SGK3: variants seen among roughly 807,000 people sequenced by gnomAD.
The protein encoded by SGK3 is serum/glucocorticoid regulated kinase family member 3, also known as serine/threonine-protein kinase Sgk3.
Under a neutral mutation model 68.5 loss-of-function variants are expected in SGK3, and 47 were observed. The ratio of observed to expected loss-of-function variants is 0.69; its 90% CI spans 0.54 to 0.87. The LOEUF is 0.87. SGK3 is among the 40% of genes least tolerant of loss of function. SGK3 has a pLI of 0.00. For synonymous variants in SGK3, 181 were observed against 189.1 expected (o/e 0.96, Z 0.35); for missense variants, 479 against 575.5 (o/e 0.83, Z 1.72).
At position 66,793,744 on chromosome 8, in the gene SGK3, G is replaced by A. The variant is rs765398043; in HGVS notation, c.8G>A (p.Arg3Lys). 3 of 1,613,004 alleles carry A rather than the reference G, an allele frequency of 1.9e-6. No individual in the cohort carries two copies. In the South Asian group the frequency reaches 3.3e-5, roughly 18 times the overall value. MQ[R>K]DHTMDYKESC... ...GTGCTCTTGAGGGATTAAATGCAAA[G>A]AGATCACACCATGGACTACAAGGAA... is the stretch of plus-strand genomic sequence containing the variant. The change falls in exon 2 of 17, where the codon AGA becomes AAA. Residue 3 changes from arginine to lysine, a missense_variant. Arg to Lys is a conservative substitution (Grantham distance 26). Around this residue, in one of 3 missense-constraint regions of SGK3, gnomAD observed 298 missense variants for 329.4 expected, o/e 0.90. Coordinates refer to ENST00000521198, the MANE Select transcript of SGK3 (RefSeq NM_001033578.3).
At chr8:66,781,368 G>C (rs1806969276) in intron 1 of SGK3, among the ~76,000 whole-genome samples, 1 of 152,168 alleles carries the variant, frequency 6.6e-6, no homozygotes, top group South Asian at 2.1e-4. Flanking sequence ...TTTTTAAAGA[G>C]ACGGGGTCTA....
At chr8:66,765,309 ATGT>A (rs57277226) in intron 1 of SGK3, among the ~76,000 whole-genome samples, 3,168 of 152,238 alleles carry the variant, frequency 0.021, 108 homozygotes, top group African/African-American at 0.071. Context: ...CTAATGACTA[ATGT>A]TGTTGAGCAA....
At chr8:66,831,352 G>T in intron 8 of SGK3, 41 bp downstream of exon 8, 1 of 1,607,742 alleles carries the variant, frequency 6.2e-7, no homozygotes, top group South Asian at 1.1e-5. Context: ...TTTTGGTTTT[G>T]GTTTTTTTTT....
chr8:66,727,429 T>C (rs1805017165), intron 1 of SGK3, among the ~76,000 whole-genome samples: 1 of 152,198 alleles, frequency 6.6e-6, no homozygotes, highest in Non-Finnish European at 1.5e-5. Context: ...TATCCTATGA[T>C]TCTCTTATTT....
rs575186485 is a variant in SGK3, at chr8:66,726,319, G to A, written c.-122+13486G>A. On this transcript the variant is annotated intron_variant, in intron 1 of 16. Coordinates refer to ENST00000521198, the MANE Select transcript of SGK3 (RefSeq NM_001033578.3). ...GAGGTTTCCAAGGTTGCTGTTTGTG[G>A]CAACACGAGGCAGAGCTGACCTGAA... is the stretch of plus-strand genomic sequence containing the variant. Among the ~76,000 whole-genome samples the A allele has an allele frequency of 6.6e-5, 10 of 152,226 alleles. No individual in the cohort carries two copies. In the East Asian group the frequency reaches 1.9e-3, roughly 29 times the overall value.
chr8:66,807,697 T>TA (rs1248834480), intron 4 of SGK3, among the ~76,000 whole-genome samples: 1 of 152,200 alleles, frequency 6.6e-6, no homozygotes, highest in Non-Finnish European at 1.5e-5. Flanking sequence ...TAAAAAGTGT[T>TA]ACAATCCATG....
chr8:66,726,610 A>G (rs1439172616), intron 1 of SGK3, among the ~76,000 whole-genome samples: 2 of 152,082 alleles, frequency 1.3e-5, no homozygotes, highest in Non-Finnish European at 2.9e-5. Context: ...TGTTTTAAAT[A>G]TGTATTTTAT....
In SGK3 at chr8:66,828,717, G is replaced by C; in HGVS notation, c.467+14G>C. 1 of 1,613,642 alleles carries C rather than the reference G, an allele frequency of 6.2e-7. No homozygotes were observed. ...TGGAAATCCTCAGTATGTTTAATTT[G>C]CTTCAAACAATTTTTTAACTGAATT... On this transcript the variant is annotated intron_variant, in intron 7 of 16. Transcript: ENST00000521198.
intron 4 of SGK3, among the ~76,000 whole-genome samples, chr8:66,808,411 T>C (rs944703145): frequency 2.6e-5 from 4 of 152,154 alleles, no homozygotes; most frequent in African/African-American, 9.7e-5. Flanking sequence ...TTATATGGCG[T>C]TGTTATTCTG....
rs139794059 is a variant in SGK3, at chr8:66,797,274, A to G, written c.97-1268A>G. Among the ~76,000 whole-genome samples the G allele has an allele frequency of 1.4e-4, 22 of 152,296 alleles. No homozygotes were observed. In the East Asian group the frequency reaches 4.2e-3, roughly 29 times the overall value. On this transcript the variant is annotated intron_variant, in intron 2 of 16. Transcript: ENST00000521198. ...CCTAAGTGTTTTATTCTCTTACAGCAGTTCTGCTTCTAGGCTTGTCTGATC... is the reference window on the plus strand; with the variant it reads ...CCTAAGTGTTTTATTCTCTTACAGCGGTTCTGCTTCTAGGCTTGTCTGATC...
At chr8:66,793,474 A>G (rs550325077) in intron 1 of SGK3, 142 bp from the exon 2 acceptor site, 2 of 274,076 alleles carry the variant, frequency 7.3e-6, no homozygotes, top group South Asian at 1.1e-4. Flanking sequence ...AACAAACTAA[A>G]TCTCTAACCT....
intron 16 of SGK3, among the ~76,000 whole-genome samples, chr8:66,854,837 A>G (rs1013661505): frequency 1.3e-5 from 2 of 152,108 alleles, no homozygotes; most frequent in Non-Finnish European, 2.9e-5. Context: ...TTGGTTCCCA[A>G]ACCCTCTGAA....
intron 1 of SGK3, among the ~76,000 whole-genome samples, chr8:66,723,863 C>G (rs1804897025): frequency 6.6e-6 from 1 of 152,160 alleles, no homozygotes; most frequent in African/African-American, 2.4e-5. Context: ...TAATTGATCT[C>G]TTTTTATCCC....
At chr8:66,787,832 C>T (rs1807272701) in intron 1 of SGK3, among the ~76,000 whole-genome samples, 2 of 152,190 alleles carry the variant, frequency 1.3e-5, no homozygotes, top group South Asian at 4.1e-4. Context: ...ATTTTCCAAT[C>T]TTGTTCTTTC....
At chr8:66,858,323 G>A (rs189252136) in intron 16 of SGK3, among the ~76,000 whole-genome samples, 8 of 152,076 alleles carry the variant, frequency 5.3e-5, no homozygotes, top group African/African-American at 1.9e-4. Flanking sequence ...AAAATTAGCC[G>A]GGCATGGTGG....
chr8:66,847,825 C>A (rs971693243), intron 15 of SGK3, among the ~76,000 whole-genome samples: 3 of 144,866 alleles, frequency 2.1e-5, no homozygotes, highest in African/African-American at 2.6e-5. Context: ...TGCCTCCTGT[C>A]TGCATGAGGT....
At chr8:66,827,912 A>C (rs1227338499) in intron 6 of SGK3, among the ~76,000 whole-genome samples, 1 of 152,160 alleles carries the variant, frequency 6.6e-6, no homozygotes, top group Non-Finnish European at 1.5e-5. Context: ...TCACGAAGTC[A>C]GGAGATCGAG....
intron 10 of SGK3, among the ~76,000 whole-genome samples, chr8:66,837,390 A>G (rs576766240): frequency 1.3e-5 from 2 of 152,340 alleles, no homozygotes; most frequent in South Asian, 4.1e-4. Flanking sequence ...AAATTAGTTA[A>G]TATTCTGCAA....
chr8:66,775,198 C>G (rs758965517), intron 1 of SGK3: 1 of 152,370 alleles, frequency 6.6e-6, no homozygotes, highest in African/African-American at 2.4e-5. Flanking sequence ...GCAGGTTTGG[C>G]CCCCGCAGGG....
Sources: gnomAD v4.1 joint callset for allele counts (sites outside exome capture counted in the v4.1 genomes callset) on GRCh38, gnomAD v4.1.1 for gene constraint, gnomAD v4.1.1 regional missense constraint, MANE v1.5 for transcripts, NCBI Gene and HGNC (gene_info 2026-07-23, HGNC 2026-07-21) for gene names.